Variants in OGG1 observed in about 807,000 individuals in gnomAD.
OGG1 encodes 8-oxoguanine DNA glycosylase.
In OGG1, 35 loss-of-function variants were observed where a neutral mutation model predicts 42.3. The ratio of observed to expected loss-of-function variants is 0.83; its 90% CI spans 0.63 to 1.10. The LOEUF (loss-of-function observed/expected upper bound fraction) is 1.10. OGG1 is among the 50% of genes least tolerant of loss of function. OGG1 has a pLI of 0.00. For missense variants in OGG1, 484 were observed against 446.7 expected (o/e 1.08, Z -0.75); for synonymous variants, 189 against 179.0 (o/e 1.06, Z -0.44).
At chr3:9,762,872 A>C in intron 7 of OGG1, 1 of 1,605,304 alleles carries the variant, frequency 6.2e-7, no homozygotes, top group South Asian at 1.1e-5. Context: ...CAAAGGCCCC[A>C]CCCCTGGGTA....
downstream of OGG1, chr3:9,761,472 G>T: frequency 6.2e-7 from 1 of 1,612,178 alleles, no homozygotes; most frequent in Non-Finnish European, 8.5e-7. Flanking sequence ...AGATGTAGGC[G>T]ATGACACCTA....
chr3:9,757,780 C>T, downstream of OGG1: 4 of 1,614,128 alleles, frequency 2.5e-6, no homozygotes, highest in Non-Finnish European at 3.4e-6. The surrounding 1 kb of genome is among the most constrained non-coding windows in gnomAD (Gnocchi z 4.5). Flanking sequence ...TGCCCCTGCC[C>T]CTCCTGGCTG....
chr3:9,785,878 A>G (rs1013318062), intron 3 of OGG1, among the ~76,000 whole-genome samples: 2 of 151,878 alleles, frequency 1.3e-5, no homozygotes, highest in East Asian at 1.9e-4. Flanking sequence ...ATCAGAAGAG[A>G]TAAGAGCCAT....
chr3:9,754,705 G>A lies in OGG1; in HGVS notation c.567G>A (p.Gly189=), dbSNP rs764814819. 9 of 1,614,072 alleles carry A rather than the reference G, an allele frequency of 5.6e-6. No homozygotes were observed. Among genetic ancestry groups the A allele is most frequent in the Non-Finnish European group, 7.6e-6 (9 of 1,179,996 alleles). Residue 189 remains glycine (G), a splice_region_variant and synonymous_variant, in exon 4 of 7, where the codon GGG becomes GGA. Transcript: ENST00000344629. ...HGFPSLQALA[G]PEVEAHLRKL... ...TGCCCTCCTCCTCACTCCCCGCAGG[G>A]CCAGAGGTGGAGGCTCATCTCAGGA... is the stretch of plus-strand genomic sequence containing the variant.
At chr3:9,768,138 G>T (rs2078205922), downstream of OGG1, among the ~76,000 whole-genome samples, 1 of 152,146 alleles carries the variant, frequency 6.6e-6, no homozygotes, top group Admixed American at 6.5e-5. Flanking sequence ...GAAGCCTGGA[G>T]GATCCCCCTG....
intron 2 of OGG1, chr3:9,781,501 CTG>C (rs1360997111): frequency 8.8e-6 from 4 of 456,254 alleles, no homozygotes; most frequent in South Asian, 6.2e-5. Context: ...TTTTTAAACA[CTG>C]TTGTTTCAGG....
intron 3 of OGG1, among the ~76,000 whole-genome samples, chr3:9,752,471 C>G (rs1190364846): frequency 6.8e-6 from 1 of 148,060 alleles, no homozygotes; most frequent in East Asian, 1.9e-4. Flanking sequence ...GTGGCTCACA[C>G]CTGGCTAACA....
chr3:9,788,838 CTTT>C (rs754997174), downstream of OGG1, among the ~76,000 whole-genome samples: 3 of 143,012 alleles, frequency 2.1e-5, no homozygotes, highest in African/African-American at 2.6e-5. Context: ...ACTTTTATAT[CTTT>C]TTTTTTTTTT....
intron 3 of OGG1, chr3:9,787,040 G>A: frequency 6.2e-7 from 1 of 1,614,236 alleles, no homozygotes; most frequent in Non-Finnish European, 8.5e-7. Flanking sequence ...CTGCGTCAGG[G>A]CACCAAAGGG....
intron 2 of OGG1, among the ~76,000 whole-genome samples, chr3:9,778,650 A>G (rs1428061508): frequency 6.6e-6 from 1 of 152,188 alleles, no homozygotes; most frequent in East Asian, 1.9e-4. Flanking sequence ...TCTATGGCTT[A>G]TGGTCCAACA....
At chr3:9,763,621 C>A (rs2077999111) in intron 7 of OGG1, among the ~76,000 whole-genome samples, 1 of 152,148 alleles carries the variant, frequency 6.6e-6, no homozygotes, top group Non-Finnish European at 1.5e-5. Flanking sequence ...CCAAATCCTG[C>A]CCGTCACATG....
intron 3 of OGG1, chr3:9,787,632 C>T: frequency 7.6e-7 from 1 of 1,317,540 alleles, no homozygotes; most frequent in South Asian, 1.3e-5. Flanking sequence ...CAGCAATTGC[C>T]TCTCGAGAGA....
At chr3:9,754,598 G>C (rs2077450945) in intron 3 of OGG1, 106 bp from the exon 4 acceptor site, 1 of 1,246,710 alleles carries the variant, frequency 8.0e-7, no homozygotes, top group Non-Finnish European at 1.1e-6. Flanking sequence ...GGTAGGAGGG[G>C]AACTTAGGAA....
In OGG1 at chr3:9,766,034, T is replaced by A. The variant is rs201950729; in HGVS notation, c.*203T>A. On this transcript the variant is annotated 3_prime_UTR_variant, in exon 8 of 8. Coordinates refer to the OGG1 transcript ENST00000302008. ...CCTAGTCACTCATCCATCCCCTGGC[T>A]CCAGAGATGGTCACATGACCCAGGC... 46 of 1,609,832 alleles carry A rather than the reference T, an allele frequency of 2.9e-5. No individual in the cohort carries two copies. The African/African-American group carries it at 5.9e-4, about 21-fold the overall frequency.
At position 9,772,123 on chromosome 3, in the gene OGG1, G is replaced by A. The variant is rs528497166; in HGVS notation, c.295-9390G>A. Among the ~76,000 whole-genome samples the A allele has an allele frequency of 1.6e-4, 25 of 152,274 alleles. No homozygotes were observed. The South Asian group carries it at 4.8e-3, about 29-fold the overall frequency. On this transcript the variant is annotated intron_variant, in intron 2 of 3. Transcript: ENST00000426518. ...ATGAGCTACCGCGCCCAGCTGACTT[G>A]TACAGCTTCTATGGTGTGCTTTACA...
chr3:9,790,299 C>G (rs2078701430), downstream of OGG1, among the ~76,000 whole-genome samples: 1 of 152,234 alleles, frequency 6.6e-6, no homozygotes, highest in Non-Finnish European at 1.5e-5. Context: ...GATGCCTTCT[C>G]TCAATCAGTT....
intron 2 of OGG1, chr3:9,780,184 T>C (rs2078426393): frequency 3.3e-6 from 2 of 605,906 alleles, no homozygotes; most frequent in East Asian, 5.9e-5. Context: ...GCTTCCTGTG[T>C]CCTGGTTGTA....
intron 3 of OGG1, chr3:9,784,284 G>A (rs954453419): frequency 1.2e-5 from 18 of 1,527,316 alleles, no homozygotes; most frequent in African/African-American, 8.3e-5. Context: ...AGGTTCCCAG[G>A]GCTTCCCAAG....
chr3:9,754,886 G>A lies in OGG1; in HGVS notation c.747+1G>A, dbSNP rs955899385. The A allele has an allele frequency of 3.1e-6, 5 of 1,587,836 alleles. No individual in the cohort carries two copies. The African/African-American group carries it at 5.4e-5, about 17-fold the overall frequency. On this transcript the variant is annotated splice_donor_variant, in intron 4 of 6. Coordinates refer to ENST00000344629, the MANE Select transcript of OGG1 (RefSeq NM_002542.6). LOFTEE classifies it high-confidence loss of function. Reference sequence around the variant, plus strand: ...CATCCTGCCTGGAGTGGGCACCAAGGTGAGGCCCCAGGGGGTAGGAGCTGC... The same window carrying A: ...CATCCTGCCTGGAGTGGGCACCAAGATGAGGCCCCAGGGGGTAGGAGCTGC...
Sources: allele counts gnomAD v4.1 joint callset (sites outside exome capture counted in the v4.1 genomes callset), GRCh38; gene constraint gnomAD v4.1.1; non-coding constraint Gnocchi (gnomAD v3.1); transcripts MANE v1.5; gene names NCBI Gene and HGNC (gene_info 2026-07-23, HGNC 2026-07-21).